Variants in ATP8A2 observed in about 807,000 individuals in gnomAD.
ATP8A2 encodes ATPase phospholipid transporting 8A2.
In ATP8A2, 100 loss-of-function variants were observed where a neutral mutation model predicts 165.6. That is an observed-to-expected ratio of 0.60 (90% CI 0.51 to 0.71). The LOEUF (loss-of-function observed/expected upper bound fraction) is 0.71. Among genes scored for constraint, ATP8A2 ranks in the 30% least tolerant of loss-of-function variants. ATP8A2 has a pLI of 0.00. For missense variants in ATP8A2, 1,227 were observed against 1,479.5 expected, an observed-to-expected ratio of 0.83 and a Z score of 2.80; for synonymous variants, 543 against 548.8, an observed-to-expected ratio of 0.99 and a Z score of 0.15.
At chr13:25,570,702 T>G in intron 16 of ATP8A2, 65 bp from the exon 17 acceptor site, 1 of 1,277,244 alleles carries the variant, frequency 7.8e-7, no homozygotes. Context: ...GGGGATCTGC[T>G]TGTGTGAGCC....
In ATP8A2 at chr13:25,640,925, C is replaced by T. The variant is rs571492579; in HGVS notation, c.2211+51226C>T. ...TCCACCATGATCAAGTGGGCTTCAT[C>T]CCTGGGATGCAAGGCTGGTTCAACA... On this transcript the variant is annotated intron_variant, in intron 24 of 36. Transcript: ENST00000381655. Among the ~76,000 whole-genome samples the T allele has an allele frequency of 6.4e-4, 98 of 152,286 alleles. 1 individual carries two copies. Among genetic ancestry groups the T allele is most frequent in the African/African-American group, 2.3e-3 (97 of 41,574 alleles).
intron 2 of ATP8A2, among the ~76,000 whole-genome samples, chr13:25,499,056 A>G (rs1756550770): frequency 6.6e-6 from 1 of 152,236 alleles, no homozygotes; most frequent in South Asian, 2.1e-4. Flanking sequence ...AATAAAATAG[A>G]ATCTCCATGT....
At chr13:25,974,897 C>T (rs1003155677) in intron 35 of ATP8A2, among the ~76,000 whole-genome samples, 43 of 152,138 alleles carry the variant, frequency 2.8e-4, no homozygotes, top group African/African-American at 1.0e-3. Flanking sequence ...CTGAAGACAT[C>T]CTTTGTGAAG....
At chr13:25,607,041 G>A (rs1383044725) in intron 24 of ATP8A2, among the ~76,000 whole-genome samples, 1 of 152,150 alleles carries the variant, frequency 6.6e-6, no homozygotes, top group Non-Finnish European at 1.5e-5. Flanking sequence ...CCTCCTGTCA[G>A]ATCAGCAGTG....
intron 26 of ATP8A2, among the ~76,000 whole-genome samples, chr13:25,774,137 T>C (rs927312883): frequency 2.7e-5 from 3 of 110,964 alleles, no homozygotes; most frequent in African/African-American, 5.5e-5. Context: ...CTATTCATAA[T>C]AGCAAAGACA....
chr13:25,450,775 C>A (rs1251606772), intron 1 of ATP8A2, among the ~76,000 whole-genome samples: 1 of 152,066 alleles, frequency 6.6e-6, no homozygotes, highest in East Asian at 1.9e-4. Context: ...TCGTAATCTG[C>A]CCACCTCGGC....
At chr13:25,596,111 T>C (rs966886397) in intron 24 of ATP8A2, among the ~76,000 whole-genome samples, 5 of 152,200 alleles carry the variant, frequency 3.3e-5, no homozygotes, top group African/African-American at 1.2e-4. Flanking sequence ...TGACTTTGTC[T>C]TGACCTCTGA....
At chr13:25,381,462 G>T (rs1273628784) in intron 1 of ATP8A2, among the ~76,000 whole-genome samples, 1 of 152,226 alleles carries the variant, frequency 6.6e-6, no homozygotes, top group African/African-American at 2.4e-5. Flanking sequence ...TCTGAGTCCT[G>T]CTAGGAAGAC....
chr13:25,867,935 C>A, intron 33 of ATP8A2: 1 of 219,754 alleles, frequency 4.6e-6, no homozygotes, highest in Non-Finnish European at 9.7e-6. Flanking sequence ...TGTTTTATTA[C>A]TTTTTATTTG....
At chr13:25,932,650 A>G (rs1780904619) in intron 33 of ATP8A2, among the ~76,000 whole-genome samples, 1 of 152,220 alleles carries the variant, frequency 6.6e-6, no homozygotes, top group African/African-American at 2.4e-5. Context: ...CAAAAACCCA[A>G]GCAAACAGAA....
intron 23 of ATP8A2, among the ~76,000 whole-genome samples, chr13:25,584,574 C>CT (rs2039867810): frequency 6.6e-6 from 1 of 152,238 alleles, no homozygotes; most frequent in African/African-American, 2.4e-5. Flanking sequence ...TCTGAAAACT[C>CT]TTTTTTTAAT....
At chr13:25,986,395 C>G (rs998442454) in intron 35 of ATP8A2, among the ~76,000 whole-genome samples, 2 of 152,232 alleles carry the variant, frequency 1.3e-5, no homozygotes, top group African/African-American at 4.8e-5. Flanking sequence ...GGTAACCACC[C>G]TTCTTCTCTT....
intron 24 of ATP8A2, among the ~76,000 whole-genome samples, chr13:25,637,638 GC>G (rs148706012): frequency 0.01 from 1,596 of 152,294 alleles, 26 homozygotes; most frequent in African/African-American, 0.035. Context: ...GCCTGTTGCA[GC>G]TCAAGGAGGC....
intron 33 of ATP8A2, among the ~76,000 whole-genome samples, chr13:25,936,518 A>C (rs567847902): frequency 6.6e-6 from 1 of 152,330 alleles, no homozygotes; most frequent in African/African-American, 2.4e-5. Context: ...ATAATAAATC[A>C]TCATCTTCAA....
intron 35 of ATP8A2, among the ~76,000 whole-genome samples, chr13:25,976,839 A>C (rs1566319719): frequency 1.3e-5 from 2 of 152,130 alleles, no homozygotes; most frequent in Non-Finnish European, 2.9e-5. Flanking sequence ...CCCAGGCTGG[A>C]GTGCAGTGGT....
intron 27 of ATP8A2, among the ~76,000 whole-genome samples, chr13:25,796,990 A>C (rs1248526546): frequency 1.3e-5 from 2 of 152,142 alleles, no homozygotes; most frequent in Admixed American, 6.6e-5. Context: ...TAAAACAGCC[A>C]GGCGCCATGG....
chr13:25,872,187 T>C (rs1952698334), intron 33 of ATP8A2, among the ~76,000 whole-genome samples: 1 of 152,108 alleles, frequency 6.6e-6, no homozygotes, highest in Non-Finnish European at 1.5e-5. Context: ...GATTCAGGAA[T>C]GCACATGGTG....
chr13:25,601,381 T>C (rs533733254), intron 24 of ATP8A2, among the ~76,000 whole-genome samples: 1 of 152,380 alleles, frequency 6.6e-6, no homozygotes, highest in Admixed American at 6.5e-5. Flanking sequence ...GATGTTTTCA[T>C]GTGGGATATG....
chr13:25,939,327 ATTTG>A (rs2139101108), intron 33 of ATP8A2, among the ~76,000 whole-genome samples: 1 of 152,118 alleles, frequency 6.6e-6, no homozygotes, highest in South Asian at 2.1e-4. Context: ...GGATCTGGTT[ATTTG>A]TTTGCCCGTT....
Sources: gnomAD v4.1 joint callset for allele counts (sites outside exome capture counted in the v4.1 genomes callset) on GRCh38, gnomAD v4.1.1 for gene constraint, MANE v1.5 for transcripts, NCBI Gene and HGNC (gene_info 2026-07-23, HGNC 2026-07-21) for gene names.